Variants in NECAB2 observed in about 807,000 individuals in gnomAD.
The protein encoded by NECAB2 is N-terminal EF-hand calcium-binding protein 2.
NECAB2 carries 68 observed loss-of-function variants against 51.9 expected under a neutral mutation model. That is an observed-to-expected ratio of 1.31 (90% CI 1.08 to 1.60). The LOEUF is 1.60. NECAB2 is among the 40% of genes most tolerant of loss of function. The pLI is 0.00. For synonymous variants in NECAB2, 329 were observed against 203.5 expected, an observed-to-expected ratio of 1.62 and a Z score of -5.25; for missense variants, 854 against 490.3, an observed-to-expected ratio of 1.74 and a Z score of -7.00.
At chr16:83,990,458 C>CT (rs781599552) in intron 5 of NECAB2, 36 bp from the exon 6 acceptor site, 14 of 1,610,150 alleles carry the variant, frequency 8.7e-6, no homozygotes, top group Non-Finnish European at 1.2e-5. Flanking sequence ...CCCTCCCACC[C>CT]CTTTCCCCTC....
At chr16:83,985,360 T>C (rs1267274199) in intron 5 of NECAB2, among the ~76,000 whole-genome samples, 1 of 110,260 alleles carries the variant, frequency 9.1e-6, no homozygotes, top group Non-Finnish European at 1.8e-5. Context: ...TACTGCTGGG[T>C]GCGGTGGCTC....
intron 5 of NECAB2, among the ~76,000 whole-genome samples, chr16:83,983,701 CA>C (rs1391715664): frequency 1.3e-5 from 2 of 152,160 alleles, no homozygotes; most frequent in Non-Finnish European, 2.9e-5. Flanking sequence ...ATTCTTTTAT[CA>C]CATTACTGAG....
At chr16:83,989,752 C>T (rs1302996711) in intron 5 of NECAB2, among the ~76,000 whole-genome samples, 1 of 152,178 alleles carries the variant, frequency 6.6e-6, no homozygotes, top group Admixed American at 6.5e-5. Flanking sequence ...TGAGAAATGT[C>T]CTTGCAGAAT....
At chr16:83,995,055 G>A (rs2084677999) in intron 8 of NECAB2, among the ~76,000 whole-genome samples, 1 of 152,216 alleles carries the variant, frequency 6.6e-6, no homozygotes, top group Non-Finnish European at 1.5e-5. Context: ...CCGAAAGGCA[G>A]CACCAGGATG....
intron 12 of NECAB2, 131 bp downstream of exon 12, chr16:84,002,047 G>T: frequency 1.7e-6 from 2 of 1,148,996 alleles, no homozygotes; most frequent in Non-Finnish European, 1.3e-6. Context: ...TGCCACCAAT[G>T]CCAGGCTCAG....
chr16:83,970,140 C>G (rs1480159331), intron 1 of NECAB2, among the ~76,000 whole-genome samples: 2 of 152,172 alleles, frequency 1.3e-5, no homozygotes, highest in Non-Finnish European at 2.9e-5. Context: ...CATGGAAGCC[C>G]TGCCCAGTCA....
Position 83,994,195 on chromosome 16 carries a change from G to A in NECAB2, c.597-107G>A, listed in dbSNP as rs547843589. 7.1e-5 allele frequency: 70 copies of A among 987,224 alleles called. No homozygotes were observed. In the East Asian group the frequency reaches 1.6e-3, roughly 23 times the overall value. 61.2% of individuals were successfully genotyped at this position (987,224 alleles called of 1,614,324 possible). On this transcript the variant is annotated intron_variant, in intron 6 of 12. Transcript: ENST00000305202. ...AGGCCATGATGCAAGTTCTGTGCAT[G>A]TGTGAGTCCACTGTCTTGCGTAATA...
Position 84,001,673 on chromosome 16 carries a change from CCCCTCACCTTCCCA to C in NECAB2, c.1041-150_1041-137del. 9.7e-6 allele frequency: 6 copies of C among 617,342 alleles called. 1 individual carries two copies. Among genetic ancestry groups the C allele is most frequent in the Admixed American group, 2.8e-5 (1 of 35,942 alleles). 38.2% of individuals were successfully genotyped at this position (617,342 alleles called of 1,614,324 possible). A position where few individuals can be genotyped will look rare whatever the true frequency, so the allele number is the denominator to read the frequency against. The stretch of plus-strand genomic sequence containing the variant: ...CCCCAGAGTCAGCCTCCCTGGGCAC[CCCCTCACCTTCCCA>C]CAAAGGCTCTGAGTCCAAAGACCCC... On this transcript the variant is annotated intron_variant, in intron 11 of 12. Transcript: ENST00000305202.
At chr16:84,000,401 T>TCTAGTCCCCGGTGCACA (rs2084805867) in intron 10 of NECAB2, among the ~76,000 whole-genome samples, 2 of 151,962 alleles carry the variant, frequency 1.3e-5, no homozygotes, top group African/African-American at 4.8e-5. Flanking sequence ...AGTGGTGCAC[T>TCTAGTCCCCGGTGCACA]CCTCTAGTCC....
At chr16:83,991,536 T>G (rs1363181731) in intron 6 of NECAB2, among the ~76,000 whole-genome samples, 1 of 151,464 alleles carries the variant, frequency 6.6e-6, no homozygotes, top group Admixed American at 6.6e-5. Flanking sequence ...CCAGCTAATT[T>G]TTGTATTTTT....
chr16:83,993,620 C>T (rs999326257), intron 6 of NECAB2: 8 of 135,338 alleles, frequency 5.9e-5, no homozygotes, highest in African/African-American at 2.2e-4. Context: ...GCAAGGTGAG[C>T]TGTGTGTGTG....
At chr16:83,984,002 T>G (rs1313403176) in intron 5 of NECAB2, among the ~76,000 whole-genome samples, 1 of 149,924 alleles carries the variant, frequency 6.7e-6, no homozygotes, top group Non-Finnish European at 1.5e-5. Flanking sequence ...GGTGGTTTTT[T>G]TTTTTTTTTT....
chr16:83,974,250 C>T (rs1191326960), intron 2 of NECAB2, among the ~76,000 whole-genome samples: 2 of 152,192 alleles, frequency 1.3e-5, no homozygotes, highest in Non-Finnish European at 1.5e-5. Context: ...AGTCCTGGCT[C>T]AGCCGCGTAC....
At chr16:83,976,672 C>T (rs1567665341) in intron 2 of NECAB2, among the ~76,000 whole-genome samples, 1 of 149,830 alleles carries the variant, frequency 6.7e-6, no homozygotes, top group Non-Finnish European at 1.5e-5. Context: ...GAAATTCTTC[C>T]CACTGTAACC....
At chr16:83,978,640 T>C (rs1156594709) in intron 3 of NECAB2, 88 bp downstream of exon 3, 3 of 1,163,296 alleles carry the variant, frequency 2.6e-6, no homozygotes, top group East Asian at 2.4e-5. Flanking sequence ...CCTAGTCCCC[T>C]GTAAGGGGCA....
chr16:83,974,939 C>CA (rs2084389816), intron 2 of NECAB2, among the ~76,000 whole-genome samples: 1 of 132,170 alleles, frequency 7.6e-6, no homozygotes, highest in Admixed American at 7.5e-5. Flanking sequence ...AACAGGTGTG[C>CA]AGGGAGGTGT....
At chr16:83,971,985 C>A in intron 1 of NECAB2, 166 bp from the exon 2 acceptor site, 2 of 869,130 alleles carry the variant, frequency 2.3e-6, no homozygotes, top group Non-Finnish European at 3.5e-6. Context: ...CTCATCAGTT[C>A]CCCCTGGATC....
intron 1 of NECAB2, among the ~76,000 whole-genome samples, chr16:83,970,014 C>T (rs972885314): frequency 9.2e-5 from 14 of 152,168 alleles, no homozygotes; most frequent in African/African-American, 3.1e-4. Context: ...CACTCGCTTA[C>T]GCACGCACAC....
intron 11 of NECAB2, 108 bp from the exon 12 acceptor site, chr16:84,001,717 G>A (rs1330668648): frequency 8.4e-6 from 10 of 1,187,730 alleles, no homozygotes; most frequent in South Asian, 1.4e-5. Context: ...GACCCCCCGT[G>A]CTTATTGATA....
Sources: allele counts gnomAD v4.1 joint callset (sites outside exome capture counted in the v4.1 genomes callset), GRCh38; gene constraint gnomAD v4.1.1; transcripts MANE v1.5; gene names NCBI Gene and HGNC (gene_info 2026-07-23, HGNC 2026-07-21).